Variants in ERAP2 observed in about 807,000 individuals in gnomAD.
ERAP2 encodes the protein leukocyte-derived arginine aminopeptidase.
ERAP2 carries 118 observed loss-of-function variants against 111.1 expected under a neutral mutation model. That is an observed-to-expected ratio of 1.06 (90% CI 0.92 to 1.24). ERAP2 has a LOEUF of 1.24. ERAP2 is among the 50% of genes most tolerant of loss of function. ERAP2 has a pLI of 0.00. For synonymous variants in ERAP2, 410 were observed against 401.2 expected (o/e 1.02, Z -0.26); for missense variants, 1,131 against 1,125.8 (o/e 1.00, Z -0.07).
rs973628063 is a variant in ERAP2 at position 96,918,438 on chromosome 5, G to C, written c.*833G>C. The C allele has an allele frequency of 3.3e-5, 5 of 152,166 alleles. No individual in the cohort carries two copies. The highest frequency in any genetic ancestry group is 1.2e-4 in the African/African-American group (5 of 41,440). 9.4% of individuals were successfully genotyped at this position (152,166 alleles called of 1,614,324 possible). A position where few individuals can be genotyped will look rare whatever the true frequency, so the allele number is the denominator to read the frequency against. On this transcript the variant is annotated 3_prime_UTR_variant, in exon 19 of 19. Transcript: ENST00000437043. The stretch of plus-strand genomic sequence containing the variant: ...CAAATCTCAGATTATTAGAAACTAG[G>C]TGTCAGGGTTTATCAAGAAGGCCAG...
chr5:96,895,168 G>C, intron 6 of ERAP2, 78 bp from the exon 7 acceptor site: 1 of 788,898 alleles, frequency 1.3e-6, no homozygotes, highest in Non-Finnish European at 2.0e-6. Context: ...AAAAAAGTTA[G>C]TAACTATTGT....
intron 5 of ERAP2, among the ~76,000 whole-genome samples, chr5:96,890,116 T>C (rs1784183252): frequency 6.6e-6 from 1 of 152,216 alleles, no homozygotes; most frequent in African/African-American, 2.4e-5. Context: ...TCATAGTCTA[T>C]CTTGCTTTTA....
At chr5:96,909,429 C>G (rs1307975504) in intron 14 of ERAP2, 151 bp from the exon 15 acceptor site, 2 of 672,994 alleles carry the variant, frequency 3.0e-6, no homozygotes, top group Non-Finnish European at 5.1e-6. Context: ...TGGGTAACAG[C>G]CAGAAAAAGA....
At chr5:96,894,840 T>C (rs1784708238) in intron 6 of ERAP2, among the ~76,000 whole-genome samples, 1 of 152,138 alleles carries the variant, frequency 6.6e-6, no homozygotes, top group Admixed American at 6.6e-5. Flanking sequence ...CCCAGGACAC[T>C]TGGATTTATA....
At chr5:96,900,055 C>T (rs1785283173) in intron 9 of ERAP2, 66 bp from the exon 10 acceptor site, 2 of 1,576,622 alleles carry the variant, frequency 1.3e-6, no homozygotes, top group Admixed American at 3.4e-5. Flanking sequence ...GCATCCATGG[C>T]TAATGTGCAC....
intron 1 of ERAP2, 104 bp from the exon 2 acceptor site, chr5:96,879,460 G>A: frequency 2.2e-6 from 1 of 462,188 alleles, no homozygotes; most frequent in East Asian, 3.3e-5. Flanking sequence ...TTCTGACAGA[G>A]AGCAGATTTT....
intron 17 of ERAP2, 22 bp from the exon 18 acceptor site, chr5:96,915,666 T>C (rs1339582596): frequency 1.4e-6 from 2 of 1,451,218 alleles, no homozygotes; most frequent in Non-Finnish European, 9.3e-7. Flanking sequence ...TGACTTTCTA[T>C]GGTGTTTCTT....
intron 6 of ERAP2, among the ~76,000 whole-genome samples, chr5:96,894,159 G>A (rs1784645406): frequency 6.6e-6 from 1 of 152,218 alleles, no homozygotes; most frequent in South Asian, 2.1e-4. Context: ...ATGGCATGGT[G>A]CCAGGAACGC....
chr5:96,896,774 G>GA lies in ERAP2; in HGVS notation c.1415dup (p.Lys473GlufsTer16). ...TATGCTCAAGGATTTTCTGGGTGAG[G>GA]AGAAATTCCAGAAAGGAATAATTCA... On this transcript the variant is annotated frameshift_variant, in exon 9 of 19. Coordinates refer to ENST00000437043, the MANE Select transcript of ERAP2 (RefSeq NM_022350.5). LOFTEE classifies it high-confidence loss of function. The GA allele has an allele frequency of 6.8e-7, 1 of 1,471,784 alleles. No individual in the cohort carries two copies. 91.2% of individuals were successfully genotyped at this position (1,471,784 alleles called of 1,614,324 possible).
intron 6 of ERAP2, among the ~76,000 whole-genome samples, chr5:96,893,909 G>T (rs1784620074): frequency 6.6e-6 from 1 of 152,126 alleles, no homozygotes; most frequent in African/African-American, 2.4e-5. Flanking sequence ...ATGCCAGGTT[G>T]TATCACTCTG....
chr5:96,886,732 A>G lies in ERAP2; in HGVS notation c.792A>G (p.Val264=). The change falls in exon 4 of 19, where the codon GTA becomes GTG. Residue 264 remains valine, a synonymous_variant. Coordinates refer to ENST00000437043, the MANE Select transcript of ERAP2 (RefSeq NM_022350.5). ...CTGTAAAAATGAGTACATACCTTGT[A>G]GCCTACATAGTTTGTGATTTCCACT... ...ETTVKMSTYL[V]AYIVCDFHSL... 1 of 1,542,376 alleles carries G rather than the reference A, an allele frequency of 6.5e-7. No individual in the cohort carries two copies. The highest frequency in any genetic ancestry group is 8.8e-7 in the Non-Finnish European group (1 of 1,130,950).
In ERAP2 at chr5:96,903,560, G is replaced by A. The variant is rs920150573; in HGVS notation, c.2012G>A (p.Gly671Asp). 6 of 1,587,878 alleles carry A rather than the reference G, an allele frequency of 3.8e-6. No individual in the cohort carries two copies. Among genetic ancestry groups the A allele is most frequent in the African/African-American group, 1.4e-5 (1 of 73,924 alleles). Reference sequence around the variant, plus strand: ...ATTCATGATGTGTTTCAGCTAGTTGGGTAAGGCAACATTTCCTCTGACTTC... The same window carrying A: ...ATTCATGATGTGTTTCAGCTAGTTGAGTAAGGCAACATTTCCTCTGACTTC... ...GLIHDVFQLV[G>D]AGRLTLDKAL... Residue 671 changes from glycine (G) to aspartate (D), a missense_variant and splice_region_variant, in exon 13 of 19, where the codon GGT becomes GAT. Gly to Asp is a moderately conservative substitution (Grantham distance 94, BLOSUM62 -1). Around this residue, in one of 3 missense-constraint regions of ERAP2, gnomAD observed 847 missense variants for 856.5 expected, o/e 0.99. Coordinates refer to ENST00000437043, the MANE Select transcript of ERAP2 (RefSeq NM_022350.5).
chr5:96,881,670 G>A (rs1272438757), intron 2 of ERAP2, among the ~76,000 whole-genome samples: 4 of 152,072 alleles, frequency 2.6e-5, no homozygotes, highest in Non-Finnish European at 4.4e-5. Context: ...GGCTCCTTCT[G>A]TCTTTCTGCT....
chr5:96,889,910 C>A (rs1401966087), intron 5 of ERAP2, among the ~76,000 whole-genome samples: 1 of 151,836 alleles, frequency 6.6e-6, no homozygotes, highest in African/African-American at 2.4e-5. Flanking sequence ...ATCACCATAC[C>A]TTATTTGTAC....
At chr5:96,891,538 AC>A (rs1295697359) in intron 5 of ERAP2, among the ~76,000 whole-genome samples, 1 of 22,156 alleles carries the variant, frequency 4.5e-5, no homozygotes. Context: ...GTATATATAC[AC>A]ACACACACAC....
intron 10 of ERAP2, among the ~76,000 whole-genome samples, chr5:96,900,994 G>T (rs1030834875): frequency 1.3e-5 from 2 of 152,154 alleles, no homozygotes; most frequent in African/African-American, 2.4e-5. Flanking sequence ...GGAAGGTTCA[G>T]CATCATCCAG....
chr5:96,888,244 A>G (rs1168206257), intron 4 of ERAP2, among the ~76,000 whole-genome samples: 1 of 152,244 alleles, frequency 6.6e-6, no homozygotes, highest in Non-Finnish European at 1.5e-5. Flanking sequence ...TGAGTTGTGT[A>G]GCACACATAC....
chr5:96,904,801 T>A (rs1394540342), intron 13 of ERAP2, among the ~76,000 whole-genome samples: 1 of 152,230 alleles, frequency 6.6e-6, no homozygotes, highest in Non-Finnish European at 1.5e-5. Flanking sequence ...TCCACTTAGA[T>A]TGTCTAAATT....
chr5:96,887,958 C>T (rs1290271578), intron 4 of ERAP2, among the ~76,000 whole-genome samples: 1 of 151,960 alleles, frequency 6.6e-6, no homozygotes, highest in East Asian at 1.9e-4. Context: ...AAACCCCTCT[C>T]TACTAAAAAT....
Sources: allele counts gnomAD v4.1 joint callset (sites outside exome capture counted in the v4.1 genomes callset), GRCh38; gene constraint gnomAD v4.1.1; regional missense constraint gnomAD v4.1.1; transcripts MANE v1.5; gene names NCBI Gene and HGNC (gene_info 2026-07-23, HGNC 2026-07-21).